CSNK2B: variants seen among roughly 807,000 people sequenced by gnomAD.
CSNK2B encodes the protein casein kinase II subunit beta.
Under a neutral mutation model 28.8 loss-of-function variants are expected in CSNK2B, and 2 were observed. That is an observed-to-expected ratio of 0.07 (90% CI 0.03 to 0.22). CSNK2B has a LOEUF of 0.22. Among genes scored for constraint, CSNK2B ranks in the 10% least tolerant of loss-of-function variants. CSNK2B has a pLI of 1.00. For synonymous variants in CSNK2B, 89 were observed against 96.1 expected, an observed-to-expected ratio of 0.93 and a Z score of 0.43; for missense variants, 107 against 277.9, an observed-to-expected ratio of 0.39 and a Z score of 4.37.
In CSNK2B at chr6:31,669,534, G is replaced by A. The variant is rs746641534; in HGVS notation, c.557+26G>A. On this transcript the variant is annotated intron_variant, in intron 6 of 6. Coordinates refer to ENST00000375882, the MANE Select transcript of CSNK2B (RefSeq NM_001320.7). The surrounding 1 kb of genome is among the most constrained non-coding windows in gnomAD (Gnocchi z 4.8). ...GTAGGGAGCAGGGAGAGTCATTAAGGGTCAAAGGAAAGGCCCAAGATCCCC... is the reference window on the plus strand; with the variant it reads ...GTAGGGAGCAGGGAGAGTCATTAAGAGTCAAAGGAAAGGCCCAAGATCCCC... 19 of 1,596,944 alleles carry A rather than the reference G, an allele frequency of 1.2e-5. No individual in the cohort carries two copies. The East Asian group carries it at 4.2e-4, about 36-fold the overall frequency.
intron 3 of CSNK2B, 165 bp from the exon 4 acceptor site, chr6:31,668,374 A>G (rs1442628564): frequency 1.9e-5 from 12 of 623,960 alleles, no homozygotes; most frequent in African/African-American, 1.5e-4. Context: ...GTTTGATGCA[A>G]GGGTCAGAAG....
At position 31,669,049 on chromosome 6, in the gene CSNK2B, CTCT is replaced by C. The variant is rs754963798; in HGVS notation, c.292-43_292-41del. 4.0e-6 allele frequency: 6 copies of C among 1,491,904 alleles called. No homozygotes were observed. The highest frequency in any genetic ancestry group is 2.8e-5 in the African/African-American group (2 of 72,402). 92.4% of individuals were successfully genotyped at this position (1,491,904 alleles called of 1,614,324 possible). A position where few individuals can be genotyped will look rare whatever the true frequency, so the allele number is the denominator to read the frequency against. On this transcript the variant is annotated intron_variant, in intron 4 of 6. Transcript: ENST00000375882. The surrounding 1 kb of genome is among the most constrained non-coding windows in gnomAD (Gnocchi z 4.8). ...TGGGTTGGGCTGCGAAGGGAGTTGC[CTCT>C]TCTTTACATCTACCTGCCAACCCCT...
At chr6:31,668,517 A>G (rs572489483) in intron 3 of CSNK2B, 22 bp from the exon 4 acceptor site, 2 of 1,606,930 alleles carry the variant, frequency 1.2e-6, no homozygotes, top group East Asian at 4.5e-5. Flanking sequence ...AAGTAGTTGC[A>G]TTTGGCCGGG....
chr6:31,668,516 C>T lies in CSNK2B; in HGVS notation c.176-23C>T, dbSNP rs553943844. 8.1e-6 allele frequency: 13 copies of T among 1,602,108 alleles called. No individual in the cohort carries two copies. The African/African-American group carries it at 1.3e-4, about 16-fold the overall frequency. On this transcript the variant is annotated intron_variant, in intron 3 of 6. Coordinates refer to ENST00000375882, the MANE Select transcript of CSNK2B (RefSeq NM_001320.7). ...AGGAAAGCTGAAAAACAAGTAGTTG[C>T]ATTTGGCCGGGCTGTGTTTCAGATG...
chr6:31,668,140 A>T, intron 3 of CSNK2B, 170 bp downstream of exon 3: 1 of 677,746 alleles, frequency 1.5e-6, no homozygotes. Context: ...TTTGTGACGT[A>T]TATCACTTGT....
At chr6:31,668,808 G>C in intron 4 of CSNK2B, 154 bp downstream of exon 4, 1 of 688,722 alleles carries the variant, frequency 1.5e-6, no homozygotes, top group Non-Finnish European at 2.5e-6. Context: ...TTCTGATTGG[G>C]GGTCATCCTG....
rs1239946113 is a variant in CSNK2B at position 31,668,530 on chromosome 6, G to T, written c.176-9G>T. 3 of 1,612,034 alleles carry T rather than the reference G, an allele frequency of 1.9e-6. No homozygotes were observed. The highest frequency in any genetic ancestry group is 1.3e-5 in the African/African-American group (1 of 75,030). On this transcript the variant is annotated splice_polypyrimidine_tract_variant and intron_variant, in intron 3 of 6. Coordinates refer to ENST00000375882, the MANE Select transcript of CSNK2B (RefSeq NM_001320.7). ...ACAAGTAGTTGCATTTGGCCGGGCTGTGTTTCAGATGAAGAACTGGAAGAC... is the reference window on the plus strand; with the variant it reads ...ACAAGTAGTTGCATTTGGCCGGGCTTTGTTTCAGATGAAGAACTGGAAGAC...
chr6:31,667,868 G>A lies in CSNK2B; in HGVS notation c.73G>A (p.Val25Met). 6.7e-7 allele frequency: 1 copy of A among 1,486,546 alleles called. No homozygotes were observed. 92.1% of individuals were successfully genotyped at this position (1,486,546 alleles called of 1,614,324 possible). A position where few individuals can be genotyped will look rare whatever the true frequency, so the allele number is the denominator to read the frequency against. The change falls in exon 3 of 7, where the codon GTG becomes ATG. Residue 25 changes from valine (V) to methionine (M), a missense_variant and splice_region_variant. By Grantham distance (21) the Val-to-Met change is conservative. Coordinates refer to ENST00000375882, the MANE Select transcript of CSNK2B (RefSeq NM_001320.7). ...GLRGNEFFCE[V>M]DEDYIQDKFN... ...CCTCTTGGCTTCCATGTCCTGACAG[G>A]TGGATGAAGACTACATCCAGGACAA...
chr6:31,669,576 G>A lies in CSNK2B; in HGVS notation c.557+68G>A. ...AAGATCCCCCAGAGAGGGGAGGACA[G>A]GGCATGGCCCTTTCTTGAGGTCTGC... On this transcript the variant is annotated intron_variant, in intron 6 of 6. Transcript: ENST00000375882. The surrounding 1 kb of genome is among the most constrained non-coding windows in gnomAD (Gnocchi z 4.8). The A allele has an allele frequency of 6.6e-7, 1 of 1,517,728 alleles. No individual in the cohort carries two copies. Among genetic ancestry groups the A allele is most frequent in the Non-Finnish European group, 8.9e-7 (1 of 1,125,854 alleles). 94.0% of individuals were successfully genotyped at this position (1,517,728 alleles called of 1,614,324 possible).
At chr6:31,668,440 G>T in intron 3 of CSNK2B, 99 bp from the exon 4 acceptor site, 1 of 1,029,220 alleles carries the variant, frequency 9.7e-7, no homozygotes, top group Non-Finnish European at 1.5e-6. Flanking sequence ...CCAAAAGTAG[G>T]TGCTAGGCAA....
At chr6:31,666,607 C>A in intron 1 of CSNK2B, 1 of 586,630 alleles carries the variant, frequency 1.7e-6, no homozygotes, top group Non-Finnish European at 3.0e-6. Flanking sequence ...TGGCTTCTTT[C>A]AAGTGGTGGG....
Position 31,669,064 on chromosome 6 carries a change from A to G in CSNK2B, c.292-33A>G, listed in dbSNP as rs182936888. On this transcript the variant is annotated intron_variant, in intron 4 of 6. Coordinates refer to ENST00000375882, the MANE Select transcript of CSNK2B (RefSeq NM_001320.7). This position sits in a 1 kb window ranked among gnomAD's most constrained non-coding sequence, Gnocchi z 4.8. ...AGGGAGTTGCCTCTTCTTTACATCT[A>G]CCTGCCAACCCCTTCCATTGTATTC... 1.3e-6 allele frequency: 2 copies of G among 1,576,578 alleles called. No homozygotes were observed. Among genetic ancestry groups the G allele is most frequent in the East Asian group, 2.2e-5 (1 of 44,668 alleles).
rs1395320856 is a variant in CSNK2B, at chr6:31,666,113, G to A, written c.-107G>A. On this transcript the variant is annotated 5_prime_UTR_variant, in exon 1 of 7. Coordinates refer to ENST00000375882, the MANE Select transcript of CSNK2B (RefSeq NM_001320.7). ...CTCCCCCCACCCCACTTCGCCTGCC[G>A]CGGTCGGGTCCGCGGCCTGCGCTGT... 1.0e-5 allele frequency: 10 copies of A among 990,448 alleles called. No individual in the cohort carries two copies. The highest frequency in any genetic ancestry group is 3.5e-5 in the African/African-American group (2 of 56,570). The allele number at this position is 990,448 out of a possible 1,614,324, so 61.4% of individuals were successfully genotyped here.
At chr6:31,667,839 G>T in intron 2 of CSNK2B, 29 bp from the exon 3 acceptor site, 1 of 1,342,778 alleles carries the variant, frequency 7.4e-7, no homozygotes, top group Non-Finnish European at 1.0e-6. Flanking sequence ...TTTGATATGG[G>T]TTCCCTCTTG....
rs559886028 is a variant in CSNK2B, at chr6:31,669,675, C to G, written c.558-161C>G. ...ATTTGATTATCTGTGCTTGAGTTAC[C>G]TTATTGTAGAATGTTCTTGAGCTGA... On this transcript the variant is annotated intron_variant, in intron 6 of 6. Coordinates refer to ENST00000375882, the MANE Select transcript of CSNK2B (RefSeq NM_001320.7). The surrounding 1 kb of genome is among the most constrained non-coding windows in gnomAD (Gnocchi z 4.8). 6.6e-6 allele frequency among the ~76,000 whole-genome samples: 1 copy of G among 152,352 alleles called. No homozygotes were observed. The highest frequency in any genetic ancestry group is 6.5e-5 in the Admixed American group (1 of 15,302).
At chr6:31,666,698 G>T (rs1801737497) in intron 1 of CSNK2B, 123 bp from the exon 2 acceptor site, 6 of 672,454 alleles carry the variant, frequency 8.9e-6, no homozygotes, top group South Asian at 3.8e-5. Context: ...TCAGAGTTTG[G>T]GTTGCTTTAA....
Position 31,669,660 on chromosome 6 carries a change from C to A in CSNK2B, c.557+152C>A. 9.2e-7 allele frequency: 1 copy of A among 1,085,838 alleles called. No individual in the cohort carries two copies. The highest frequency in any genetic ancestry group is 2.5e-5 in the Admixed American group (1 of 40,542). The allele number at this position is 1,085,838 out of a possible 1,614,324, so 67.3% of individuals were successfully genotyped here. A position where few individuals can be genotyped will look rare whatever the true frequency, so the allele number is the denominator to read the frequency against. Reference sequence around the variant, plus strand: ...GACTGTGGGAAAGTTATTTGATTATCTGTGCTTGAGTTACCTTATTGTAGA... The same window carrying A: ...GACTGTGGGAAAGTTATTTGATTATATGTGCTTGAGTTACCTTATTGTAGA... On this transcript the variant is annotated intron_variant, in intron 6 of 6. Transcript: ENST00000375882. This position sits in a 1 kb window ranked among gnomAD's most constrained non-coding sequence, Gnocchi z 4.8.
Position 31,669,889 on chromosome 6 carries a change from C to T in CSNK2B, c.611C>T (p.Ala204Val). The T allele has an allele frequency of 6.2e-7, 1 of 1,613,038 alleles. No individual in the cohort carries two copies. ...GCCTACCAGCTGCAGCTCCAAGCCG[C>T]CAGCAACTTCAAGAGCCCAGTCAAG... ...PMAYQLQLQAASNFKSPVKTI... is the reference protein window; with the variant it reads ...PMAYQLQLQAVSNFKSPVKTI... Residue 204 changes from alanine to valine, a missense_variant, in exon 7 of 7, where the codon GCC (alanine) becomes GTC (valine). Transcript: ENST00000375882. The surrounding 1 kb of genome is among the most constrained non-coding windows in gnomAD (Gnocchi z 4.8).
Position 31,669,305 on chromosome 6 carries a change from T to A in CSNK2B, c.368-14T>A. On this transcript the variant is annotated splice_polypyrimidine_tract_variant and intron_variant, in intron 5 of 6. Transcript: ENST00000375882. The surrounding 1 kb of genome is among the most constrained non-coding windows in gnomAD (Gnocchi z 4.8). ...AGGGGGATACCTGGCCTGCTGAGTC[T>A]GGCTGTCTCCCAGGCCTTTCAGACA... 6.2e-7 allele frequency: 1 copy of A among 1,609,016 alleles called. No individual in the cohort carries two copies. Among genetic ancestry groups the A allele is most frequent in the Non-Finnish European group, 8.5e-7 (1 of 1,176,006 alleles).
Sources: gnomAD v4.1 joint callset for allele counts (sites outside exome capture counted in the v4.1 genomes callset) on GRCh38, gnomAD v4.1.1 for gene constraint, Gnocchi (gnomAD v3.1) non-coding constraint, MANE v1.5 for transcripts, NCBI Gene and HGNC (gene_info 2026-07-23, HGNC 2026-07-21) for gene names.